PLA2R1: variants seen among roughly 807,000 people sequenced by gnomAD.
The protein encoded by PLA2R1 is secretory phospholipase A2 receptor.
In PLA2R1, 158 loss-of-function variants were observed where a neutral mutation model predicts 195.9. The ratio of observed to expected loss-of-function variants is 0.81; its 90% CI spans 0.71 to 0.92. PLA2R1 has a LOEUF of 0.92. Among genes scored for constraint, PLA2R1 ranks in the 40% least tolerant of loss-of-function variants. The pLI, the probability that PLA2R1 is intolerant of heterozygous loss-of-function variation, is 0.00. For synonymous variants in PLA2R1, 586 were observed against 598.2 expected (o/e 0.98, Z 0.30); for missense variants, 1,626 against 1,764.6 (o/e 0.92, Z 1.41).
At chr2:160,007,358 C>T (rs1271467949) in intron 10 of PLA2R1, among the ~76,000 whole-genome samples, 7 of 152,166 alleles carry the variant, frequency 4.6e-5, no homozygotes, top group Non-Finnish European at 8.8e-5. Flanking sequence ...TGCCCCCAGA[C>T]CTAGGTGAGG....
chr2:159,954,411 T>C (rs1687954638), intron 23 of PLA2R1, among the ~76,000 whole-genome samples: 1 of 151,912 alleles, frequency 6.6e-6, no homozygotes, highest in South Asian at 2.1e-4. Context: ...GAACCAGAAA[T>C]GGAGCTTCTC....
chr2:159,984,026 A>C lies in PLA2R1; in HGVS notation c.2085T>G (p.Ala695=). Residue 695 remains alanine (A), a synonymous_variant, in exon 13 of 30, where the codon GCT becomes GCG. Coordinates refer to ENST00000283243, the MANE Select transcript of PLA2R1 (RefSeq NM_007366.5). The stretch of plus-strand genomic sequence containing the variant: ...CTCCAAATTCTTCGCAAAATGCTTC[A>C]GCTTCTCTCCATGTTCTTTTCATCA... The part of the protein sequence containing the change: ...KVLMKRTWRE[A]EAFCEEFGAH... The C allele has an allele frequency of 6.3e-7, 1 of 1,591,300 alleles. No homozygotes were observed. Among genetic ancestry groups the C allele is most frequent in the Non-Finnish European group, 8.6e-7 (1 of 1,159,946 alleles).
At chr2:159,952,358 TATA>T (rs1237475079) in intron 23 of PLA2R1, among the ~76,000 whole-genome samples, 1 of 152,136 alleles carries the variant, frequency 6.6e-6, no homozygotes, top group African/African-American at 2.4e-5. Flanking sequence ...ACATATGTTC[TATA>T]TGTACTAGGA....
rs774810774 is a variant in PLA2R1 at position 159,945,032 on chromosome 2, C to T, written c.4018G>A (p.Gly1340Ser). 1.9e-6 allele frequency: 3 copies of T among 1,613,686 alleles called. No homozygotes were observed. Among genetic ancestry groups the T allele is most frequent in the Admixed American group, 1.7e-5 (1 of 59,988 alleles). Residue 1340 changes from glycine (G) to serine (S), a missense_variant, in exon 28 of 30, where the codon GGC (glycine) becomes AGC (serine). Transcript: ENST00000283243. ...TAGTCTGTGTCTGGCTTCCGAATGC[C>T]CCAGTTTGACTGGTCTGTGGGAGTT... ...DGTPTDQSNWGIRKPDTDYFK... is the reference protein window; with the variant it reads ...DGTPTDQSNWSIRKPDTDYFK...
At chr2:159,999,699 C>T (rs928080859) in intron 11 of PLA2R1, among the ~76,000 whole-genome samples, 12 of 152,054 alleles carry the variant, frequency 7.9e-5, no homozygotes, top group African/African-American at 2.7e-4. Flanking sequence ...CATACAAATG[C>T]CTTGTAAAAG....
chr2:159,951,875 T>TG (rs1687766899), intron 23 of PLA2R1, among the ~76,000 whole-genome samples: 1 of 152,226 alleles, frequency 6.6e-6, no homozygotes, highest in East Asian at 1.9e-4. Flanking sequence ...GTGGAACTGA[T>TG]GGTGATCTTC....
In PLA2R1 at chr2:159,967,522, T is replaced by C; in HGVS notation, c.2904+17A>G. 6.2e-7 allele frequency: 1 copy of C among 1,607,496 alleles called. No homozygotes were observed. On this transcript the variant is annotated intron_variant, in intron 20 of 29. Transcript: ENST00000283243. ...TACAAAAGAGAAACAAAGGCAACTT[T>C]TGAAAAACAAGCTTACCTTATAGTT...
In PLA2R1 at chr2:160,062,418, C is replaced by T. The variant is rs1559043447; in HGVS notation, c.-15G>A. The stretch of plus-strand genomic sequence containing the variant: ...GACAGCAGCATCGCTAACCACTGGG[C>T]TCTCCGGGAGCCCCTTGTCCCGGGA... On this transcript the variant is annotated 5_prime_UTR_variant, in exon 1 of 30. Coordinates refer to ENST00000283243, the MANE Select transcript of PLA2R1 (RefSeq NM_007366.5). The T allele has an allele frequency of 6.5e-7, 1 of 1,533,954 alleles. No homozygotes were observed. Among genetic ancestry groups the T allele is most frequent in the Admixed American group, 2.0e-5 (1 of 49,760 alleles).
intron 9 of PLA2R1, among the ~76,000 whole-genome samples, chr2:160,016,049 A>C (rs1692721576): frequency 1.3e-5 from 2 of 152,156 alleles, no homozygotes; most frequent in Non-Finnish European, 2.9e-5. Context: ...AGATCACTTG[A>C]GGTCAGGAGT....
chr2:159,955,831 G>T lies in PLA2R1; in HGVS notation c.3023-3C>A. 1 of 1,584,742 alleles carries T rather than the reference G, an allele frequency of 6.3e-7. No homozygotes were observed. Among genetic ancestry groups the T allele is most frequent in the Non-Finnish European group, 8.6e-7 (1 of 1,158,774 alleles). On this transcript the variant is annotated splice_region_variant and splice_polypyrimidine_tract_variant and intron_variant, in intron 21 of 29. Transcript: ENST00000283243. ...AAAAAGATTCATAGTAATGAAAGCTGAAAAACAGGAATACATTATCTAATT... is the reference window on the plus strand; with the variant it reads ...AAAAAGATTCATAGTAATGAAAGCTTAAAAACAGGAATACATTATCTAATT...
Position 160,062,483 on chromosome 2 carries a change from C to G in PLA2R1, c.-80G>C. 7.0e-7 allele frequency: 1 copy of G among 1,438,238 alleles called. No individual in the cohort carries two copies. The highest frequency in any genetic ancestry group is 9.1e-7 in the Non-Finnish European group (1 of 1,100,256). 89.1% of individuals were successfully genotyped at this position (1,438,238 alleles called of 1,614,324 possible). A position where few individuals can be genotyped will look rare whatever the true frequency, so the allele number is the denominator to read the frequency against. On this transcript the variant is annotated 5_prime_UTR_variant, in exon 1 of 30. Transcript: ENST00000283243. Reference sequence around the variant, plus strand: ...GAGCCCAGAGCCGCGTCCCAAGCACCCGGCCCCGCCGCGCGGAAGCGGATC... The same window carrying G: ...GAGCCCAGAGCCGCGTCCCAAGCACGCGGCCCCGCCGCGCGGAAGCGGATC...
chr2:159,973,932 G>A (rs1216841378), intron 17 of PLA2R1, among the ~76,000 whole-genome samples: 4 of 152,100 alleles, frequency 2.6e-5, no homozygotes, highest in Non-Finnish European at 5.9e-5. Flanking sequence ...CAGTGGCTAT[G>A]ATGACTCAAA....
chr2:159,924,731 G>GA, the PLA2R1 span, among the ~76,000 whole-genome samples: 3 of 59,958 alleles, frequency 5.0e-5, no homozygotes, highest in African/African-American at 8.3e-5. Context: ...CTGGGGGCTG[G>GA]GGGGGGGGCG....
chr2:160,003,489 A>T (rs555868106), intron 11 of PLA2R1, among the ~76,000 whole-genome samples: 2 of 152,062 alleles, frequency 1.3e-5, no homozygotes, highest in Admixed American at 6.5e-5. Context: ...AAGTGATCAA[A>T]TTATGTGACC....
intron 8 of PLA2R1, among the ~76,000 whole-genome samples, chr2:160,019,461 A>G (rs1692966419): frequency 6.6e-6 from 1 of 152,164 alleles, no homozygotes; most frequent in African/African-American, 2.4e-5. Context: ...GGATCTGTCC[A>G]CTTCTCTTCA....
intron 19 of PLA2R1, among the ~76,000 whole-genome samples, chr2:159,967,941 A>T (rs554224900): frequency 6.6e-6 from 1 of 152,304 alleles, no homozygotes. Flanking sequence ...GAATCATAGA[A>T]CTGATTAAAA....
chr2:159,970,688 A>G (rs1025495979), intron 17 of PLA2R1, among the ~76,000 whole-genome samples: 2 of 152,196 alleles, frequency 1.3e-5, no homozygotes, highest in Non-Finnish European at 2.9e-5. Flanking sequence ...AAGCAGTATA[A>G]GCTTTCCTTC....
the PLA2R1 span, among the ~76,000 whole-genome samples, chr2:159,925,385 A>G: frequency 6.6e-6 from 1 of 152,160 alleles, no homozygotes; most frequent in Admixed American, 6.5e-5. Context: ...GTAGATGTCA[A>G]TATAAATACA....
chr2:160,028,466 T>C lies in PLA2R1; in HGVS notation c.956-105A>G, dbSNP rs1314300022. The stretch of plus-strand genomic sequence containing the variant: ...CGGGGGACAGCGTTTCTATTTGTCA[T>C]ATATAGTAAATCCTATAAGATGTTA... On this transcript the variant is annotated intron_variant, in intron 5 of 29. Coordinates refer to ENST00000283243, the MANE Select transcript of PLA2R1 (RefSeq NM_007366.5). 45 of 785,114 alleles carry C rather than the reference T, an allele frequency of 5.7e-5. No homozygotes were observed. In the Admixed American group the frequency reaches 1.1e-3, roughly 19 times the overall value. 48.6% of individuals were successfully genotyped at this position (785,114 alleles called of 1,614,324 possible).
Sources: allele counts gnomAD v4.1 joint callset (sites outside exome capture counted in the v4.1 genomes callset), GRCh38; gene constraint gnomAD v4.1.1; transcripts MANE v1.5; gene names NCBI Gene and HGNC (gene_info 2026-07-23, HGNC 2026-07-21).